CCDC88C: variants seen among roughly 807,000 people sequenced by gnomAD.
The protein encoded by CCDC88C is coiled-coil and HOOK domain protein 88C.
In CCDC88C, 131 loss-of-function variants were observed where a neutral mutation model predicts 198.8. The ratio of observed to expected loss-of-function variants is 0.66; its 90% CI spans 0.57 to 0.76. CCDC88C has a LOEUF of 0.76. Ranked by LOEUF, CCDC88C falls within the 30% of genes least tolerant of loss-of-function variation. CCDC88C has a pLI of 0.00. For synonymous variants in CCDC88C, 1,166 were observed against 1,114.7 expected, an observed-to-expected ratio of 1.05 and a Z score of -0.92; for missense variants, 2,553 against 2,631.6, an observed-to-expected ratio of 0.97 and a Z score of 0.65.
intron 10 of CCDC88C, among the ~76,000 whole-genome samples, chr14:91,333,805 A>T (rs893867169): frequency 8.5e-5 from 13 of 152,230 alleles, no homozygotes; most frequent in African/African-American, 2.9e-4. Context: ...CCCTCAGCTG[A>T]TCCTGATATA....
At chr14:91,377,554 C>G (rs570368198) in intron 3 of CCDC88C, among the ~76,000 whole-genome samples, 2 of 152,222 alleles carry the variant, frequency 1.3e-5, no homozygotes, top group African/African-American at 4.8e-5. Flanking sequence ...GGCCCCCCCC[C>G]GGTGCCACTT....
Position 91,339,426 on chromosome 14 carries a change from G to A in CCDC88C, c.661C>T (p.Gln221Ter), listed in dbSNP as rs1202655824. Residue 221 changes from glutamine to a stop codon, truncating the protein, a stop_gained, in exon 8 of 30, where the codon CAG becomes TAG. Coordinates refer to ENST00000389857, the MANE Select transcript of CCDC88C (RefSeq NM_001080414.4). LOFTEE classifies it high-confidence loss of function. The surrounding 1 kb of genome is among the most constrained non-coding windows in gnomAD (Gnocchi z 5.8). ...ATGGGGCTGGGTGGATGCTGTGCCTGCAGGTAGTCCCGTTCCTGAGTGAGG... is the reference window on the plus strand; with the variant it reads ...ATGGGGCTGGGTGGATGCTGTGCCTACAGGTAGTCCCGTTCCTGAGTGAGG... ...VDLTQERDYL[Q>*]AQHPPSPIKS... 6.2e-7 allele frequency: 1 copy of A among 1,610,294 alleles called. No individual in the cohort carries two copies. The highest frequency in any genetic ancestry group is 2.2e-5 in the East Asian group (1 of 44,756).
rs1412121987 is a variant in CCDC88C, at chr14:91,272,134, CTG to C, written c.*489_*490del. ...GCCTGACTCTGGGGTCTGCCAGGCC[CTG>C]GAGACCTTTGTAGTATCGCCAGTCT... On this transcript the variant is annotated 3_prime_UTR_variant, in exon 30 of 30. Transcript: ENST00000389857. 1 of 154,758 alleles carries C rather than the reference CTG, an allele frequency of 6.5e-6. No individual in the cohort carries two copies. Among genetic ancestry groups the C allele is most frequent in the Non-Finnish European group, 1.4e-5 (1 of 69,678 alleles). The allele number at this position is 154,758 out of a possible 1,614,324, so 9.6% of individuals were successfully genotyped here. A position where few individuals can be genotyped will look rare whatever the true frequency, so the allele number is the denominator to read the frequency against.
intron 23 of CCDC88C, among the ~76,000 whole-genome samples, chr14:91,293,271 CCACGGCCGACCTTCCTGTCCCCTCACCT>C (rs1890767682): frequency 3.3e-5 from 4 of 119,920 alleles, no homozygotes; most frequent in East Asian, 2.8e-4. Flanking sequence ...TCCTCACCTG[CCACGGCCGACCTTCCTGTCCCCTCACCT>C]GCCACGGCCC....
chr14:91,283,114 T>C (rs1363294138), intron 26 of CCDC88C, among the ~76,000 whole-genome samples: 4 of 152,148 alleles, frequency 2.6e-5, no homozygotes, highest in Non-Finnish European at 5.9e-5. Flanking sequence ...TGAGGCCCCA[T>C]TGCAGTTGGG....
intron 12 of CCDC88C, among the ~76,000 whole-genome samples, chr14:91,324,124 T>A (rs1391448960): frequency 6.6e-6 from 1 of 152,224 alleles, no homozygotes; most frequent in Non-Finnish European, 1.5e-5. Context: ...AGGAACTGGC[T>A]CATTGTTTGC....
chr14:91,326,049 C>T lies in CCDC88C; in HGVS notation c.1058G>A (p.Arg353Lys), dbSNP rs368007696. 1 of 1,609,154 alleles carries T rather than the reference C, an allele frequency of 6.2e-7. No homozygotes were observed. The highest frequency in any genetic ancestry group is 1.3e-5 in the African/African-American group (1 of 74,866). ...DFYKARMEEL[R>K]EDNIILIETK... is the part of the protein sequence containing the mutation. ...TTCAATTAAAATGATATTATCTTCTCTCAGCTCCTGGTTAGCAAAAACATA... is the reference window on the plus strand; with the variant it reads ...TTCAATTAAAATGATATTATCTTCTTTCAGCTCCTGGTTAGCAAAAACATA... Residue 353 changes from arginine to lysine, a missense_variant, in exon 11 of 30, where the codon AGA becomes AAA. By Grantham distance (26) the Arg-to-Lys change is conservative. Around this residue, in one of 2 missense-constraint regions of CCDC88C, gnomAD observed 1,260 missense variants for 1,412.0 expected, o/e 0.89. Coordinates refer to ENST00000389857, the MANE Select transcript of CCDC88C (RefSeq NM_001080414.4).
At chr14:91,403,211 T>C (rs1278139158) in intron 3 of CCDC88C, among the ~76,000 whole-genome samples, 2 of 151,914 alleles carry the variant, frequency 1.3e-5, no homozygotes, top group African/African-American at 4.8e-5. Flanking sequence ...CATTTCAGAG[T>C]GAATCCAATG....
At position 91,272,668 on chromosome 14, in the gene CCDC88C, C is replaced by T; in HGVS notation, c.6044G>A (p.Gly2015Asp). 6.2e-7 allele frequency: 1 copy of T among 1,611,668 alleles called. No individual in the cohort carries two copies. Among genetic ancestry groups the T allele is most frequent in the Non-Finnish European group, 8.5e-7 (1 of 1,179,866 alleles). The part of the protein sequence containing the change: ...SKSSPASPEP[G>D]GDPQTVWYEY... ...ATACCACACGGTCTGCGGATCCCCGCCGGGCTCCGGGGAGGCCGGACTGCT... is the reference window on the plus strand; with the variant it reads ...ATACCACACGGTCTGCGGATCCCCGTCGGGCTCCGGGGAGGCCGGACTGCT... Residue 2015 changes from glycine to aspartate, a missense_variant, in exon 30 of 30, where the codon GGC becomes GAC. Around this residue, in one of 2 missense-constraint regions of CCDC88C, gnomAD observed 1,293 missense variants for 1,219.6 expected, o/e 1.06. Coordinates refer to ENST00000389857, the MANE Select transcript of CCDC88C (RefSeq NM_001080414.4).
Position 91,325,919 on chromosome 14 carries a change from G to A in CCDC88C, c.1188C>T (p.Asp396=). The change falls in exon 11 of 30, where the codon GAC becomes GAT. Residue 396 remains aspartate (D), a synonymous_variant. Coordinates refer to ENST00000389857, the MANE Select transcript of CCDC88C (RefSeq NM_001080414.4). This position sits in a 1 kb window ranked among gnomAD's most constrained non-coding sequence, Gnocchi z 4.1. ...ACACAGCCTGCAGTACCAATTCCAG[G>A]TCGTGAAGCTTGGATTTCAGCTGCA... ...ENLQLKSKLH[D]LELDRDTDKK... The A allele has an allele frequency of 2.6e-6, 4 of 1,552,168 alleles. No homozygotes were observed. Among genetic ancestry groups the A allele is most frequent in the Non-Finnish European group, 3.5e-6 (4 of 1,147,202 alleles).
chr14:91,413,267 CAT>C (rs777756690), intron 2 of CCDC88C, among the ~76,000 whole-genome samples: 4 of 152,168 alleles, frequency 2.6e-5, no homozygotes, highest in African/African-American at 7.2e-5. Flanking sequence ...CAATGATAGA[CAT>C]ATGTTAGGCT....
chr14:91,406,958 G>C (rs1886519390), intron 3 of CCDC88C, among the ~76,000 whole-genome samples: 1 of 152,154 alleles, frequency 6.6e-6, no homozygotes, highest in Admixed American at 6.5e-5. Context: ...GGAACTAAAG[G>C]GATGGGGCTG....
Position 91,285,380 on chromosome 14 carries a change from G to A in CCDC88C, c.4442-1863C>T, listed in dbSNP as rs143949565. The A allele has an allele frequency of 1.1e-4, 49 of 453,066 alleles. No homozygotes were observed. In the East Asian group the frequency reaches 2.7e-3, roughly 25 times the overall value. 28.1% of individuals were successfully genotyped at this position (453,066 alleles called of 1,614,324 possible). A position where few individuals can be genotyped will look rare whatever the true frequency, so the allele number is the denominator to read the frequency against. Reference sequence around the variant, plus strand: ...GGTGCAAGAGACGGGAGGGGGGCACGGCCACTCGACTTACTTAGTACGGAC... The same window carrying A: ...GGTGCAAGAGACGGGAGGGGGGCACAGCCACTCGACTTACTTAGTACGGAC... On this transcript the variant is annotated intron_variant, in intron 25 of 29. Coordinates refer to ENST00000389857, the MANE Select transcript of CCDC88C (RefSeq NM_001080414.4).
rs755577723 is a variant in CCDC88C, at chr14:91,305,755, C to T, written c.3357+10G>A. The T allele has an allele frequency of 2.5e-6, 4 of 1,594,056 alleles. No homozygotes were observed. Among genetic ancestry groups the T allele is most frequent in the Admixed American group, 1.7e-5 (1 of 59,626 alleles). ...GGCTTGTGACCACTGGTGTTGGGAG[C>T]CCCGCTCACCTGCAGCTTGGCGGTC... On this transcript the variant is annotated intron_variant, in intron 19 of 29. Transcript: ENST00000389857.
chr14:91,384,129 A>G (rs1358507811), intron 3 of CCDC88C, among the ~76,000 whole-genome samples: 1 of 152,148 alleles, frequency 6.6e-6, no homozygotes, highest in African/African-American at 2.4e-5. Flanking sequence ...CAAGCCATGA[A>G]GATTATCCAA....
chr14:91,320,454 G>A (rs1191297802), intron 13 of CCDC88C, among the ~76,000 whole-genome samples: 1 of 152,214 alleles, frequency 6.6e-6, no homozygotes, highest in Non-Finnish European at 1.5e-5. Flanking sequence ...ACCGCCCTGT[G>A]CATCTGTTCT....
rs764066392 is a variant in CCDC88C, at chr14:91,338,171, G to A, written c.892-8C>T. 1 of 1,613,024 alleles carries A rather than the reference G, an allele frequency of 6.2e-7. No individual in the cohort carries two copies. The highest frequency in any genetic ancestry group is 8.5e-7 in the Non-Finnish European group (1 of 1,179,264). On this transcript the variant is annotated splice_polypyrimidine_tract_variant and splice_region_variant and intron_variant, in intron 9 of 29. Transcript: ENST00000389857. The surrounding 1 kb of genome is among the most constrained non-coding windows in gnomAD (Gnocchi z 4.8). ...TGCCGCTAGCTGGATGTTCTGCAAG[G>A]TGGACAAAGGCAGGAGAACCTAGCT...
intron 4 of CCDC88C, among the ~76,000 whole-genome samples, chr14:91,357,814 G>A (rs936868287): frequency 6.6e-6 from 1 of 152,184 alleles, no homozygotes; most frequent in Non-Finnish European, 1.5e-5. Context: ...TGCATCTGGC[G>A]TCCCCGCCCT....
rs761908246 is a variant in CCDC88C at position 91,321,113 on chromosome 14, G to A, written c.1527+7C>T. The A allele has an allele frequency of 1.2e-5, 19 of 1,604,458 alleles. No individual in the cohort carries two copies. Among genetic ancestry groups the A allele is most frequent in the South Asian group, 6.7e-5 (6 of 90,140 alleles). ...GCTTCCCCGGTGGCCTAAGGAGGCC[G>A]AGGTACCTTCTTGCTGAGCTGGTGG... On this transcript the variant is annotated splice_region_variant and intron_variant, in intron 13 of 29. Transcript: ENST00000389857.
Sources: gnomAD v4.1 joint callset for allele counts (sites outside exome capture counted in the v4.1 genomes callset) on GRCh38, gnomAD v4.1.1 for gene constraint, gnomAD v4.1.1 regional missense constraint, Gnocchi (gnomAD v3.1) non-coding constraint, MANE v1.5 for transcripts, NCBI Gene and HGNC (gene_info 2026-07-23, HGNC 2026-07-21) for gene names.